ANKFN1: variants seen among roughly 807,000 people sequenced by gnomAD.
The protein encoded by ANKFN1 is ankyrin repeat and fibronectin type-III domain-containing protein 1.
A neutral mutation model predicts 108.7 loss-of-function variants in ANKFN1; 74 were observed. The observed-to-expected ratio is 0.68, with a 90% CI of 0.56 to 0.83. The LOEUF (loss-of-function observed/expected upper bound fraction) is 0.83, where lower values mean the gene tolerates loss of function less well. ANKFN1 is among the 40% of genes least tolerant of loss of function. The probability of loss-of-function intolerance (pLI) is 0.00; values close to 1 mark genes in which losing one functional copy is unlikely to be tolerated. For synonymous variants in ANKFN1, 547 were observed against 516.2 expected (o/e 1.06, Z -0.81); for missense variants, 1,505 against 1,382.3 (o/e 1.09, Z -1.41).
chr17:56,358,762 A>AT (rs1317644665), intron 6 of ANKFN1, among the ~76,000 whole-genome samples: 3 of 152,184 alleles, frequency 2.0e-5, no homozygotes, highest in African/African-American at 7.2e-5. Flanking sequence ...CAGGACACCC[A>AT]TGGGTATGCC....
intron 3 of ANKFN1, among the ~76,000 whole-genome samples, chr17:56,256,851 T>C (rs1292856508): frequency 6.6e-6 from 1 of 152,204 alleles, no homozygotes; most frequent in African/African-American, 2.4e-5. Flanking sequence ...TACCAAATAC[T>C]ACTATCCCCT....
intron 4 of ANKFN1, among the ~76,000 whole-genome samples, chr17:56,057,209 A>G (rs1396062012): frequency 1.3e-5 from 2 of 152,176 alleles, no homozygotes; most frequent in African/African-American, 4.8e-5. Flanking sequence ...CCACATTTGC[A>G]GTTACTTCCT....
intron 1 of ANKFN1, among the ~76,000 whole-genome samples, chr17:56,186,033 AGTTTGTTTGAT>A: frequency 1.3e-5 from 2 of 152,252 alleles, no homozygotes; most frequent in Admixed American, 1.3e-4. Context: ...GTGAGAGGTG[AGTTTGTTTGAT>A]GGCACGCAGT....
At chr17:56,356,191 G>A (rs914264450) in intron 6 of ANKFN1, among the ~76,000 whole-genome samples, 4 of 152,090 alleles carry the variant, frequency 2.6e-5, no homozygotes, top group Non-Finnish European at 5.9e-5. Context: ...CCCTGTGCCA[G>A]GCACTTTTCT....
chr17:56,100,295 G>A (rs1905618677), intron 4 of ANKFN1, among the ~76,000 whole-genome samples: 2 of 152,126 alleles, frequency 1.3e-5, no homozygotes, highest in Admixed American at 1.3e-4. Flanking sequence ...GCCTGCTGGA[G>A]CTCCTAGGAT....
At chr17:56,069,315 A>G (rs1905095004) in intron 4 of ANKFN1, among the ~76,000 whole-genome samples, 1 of 152,170 alleles carries the variant, frequency 6.6e-6, no homozygotes, top group African/African-American at 2.4e-5. Flanking sequence ...AGTGATGGGG[A>G]TGGAGTGTCT....
At chr17:56,129,359 G>T (rs1291006569) in intron 4 of ANKFN1, among the ~76,000 whole-genome samples, 1 of 152,024 alleles carries the variant, frequency 6.6e-6, no homozygotes. Flanking sequence ...TATACTCACT[G>T]GTACTCTTTT....
rs1555653063 is a variant in ANKFN1, at chr17:56,437,973, G to GGGGTGT, written c.911-2353_911-2352insGGTGTG. ...GTGTTGGAAAAACTAATCTACTGTAGGTGTGTGTGTGTGTGTGTGTGTGTG... is the reference window on the plus strand; with the variant it reads ...GTGTTGGAAAAACTAATCTACTGTAGGGGTGTGTGTGTGTGTGTGTGTGTGTGTGTG... On this transcript the variant is annotated intron_variant, in intron 8 of 20. Transcript: ENST00000682825. Among the ~76,000 whole-genome samples, 55 of 142,274 alleles carry GGGGTGT rather than the reference G, an allele frequency of 3.9e-4. 1 individual carries two copies. The highest frequency in any genetic ancestry group is 1.2e-3 in the African/African-American group (46 of 37,650). 93.3% of individuals were successfully genotyped at this position (142,274 alleles called of 152,430 possible).
rs1166232444 is a variant in ANKFN1, at chr17:56,170,793, T to C, written c.-71+17263T>C. The stretch of plus-strand genomic sequence containing the variant: ...AATTTTTTATATATATATATATATA[T>C]ATATATATATATATACACACACACA... On this transcript the variant is annotated intron_variant, in intron 1 of 20. Transcript: ENST00000682825. 2.4e-4 allele frequency among the ~76,000 whole-genome samples: 15 copies of C among 62,962 alleles called. 1 individual carries two copies. In the South Asian group the frequency reaches 0.013, roughly 53 times the overall value. The allele number at this position is 62,962 out of a possible 152,430, so 41.3% of individuals were successfully genotyped here.
chr17:56,304,002 C>T (rs2044747011), intron 3 of ANKFN1, among the ~76,000 whole-genome samples: 1 of 151,900 alleles, frequency 6.6e-6, no homozygotes, highest in Admixed American at 6.6e-5. Flanking sequence ...GGCCAGATTC[C>T]ATGTACTCTT....
chr17:56,390,995 T>C (rs2047408961), intron 8 of ANKFN1, among the ~76,000 whole-genome samples: 1 of 151,688 alleles, frequency 6.6e-6, no homozygotes, highest in East Asian at 1.9e-4. Flanking sequence ...TTCTTTATTA[T>C]AGAACTTCTT....
At chr17:56,381,423 A>G (rs1023487300) in intron 8 of ANKFN1, among the ~76,000 whole-genome samples, 6 of 152,256 alleles carry the variant, frequency 3.9e-5, no homozygotes, top group African/African-American at 1.4e-4. Flanking sequence ...GCAACGGAAC[A>G]AAGCTGGACA....
In ANKFN1 at chr17:56,474,290, G is replaced by A. The variant is rs994349014; in HGVS notation, c.1774-3198G>A. On this transcript the variant is annotated intron_variant, in intron 15 of 20. Transcript: ENST00000682825. ...AGATATTCAGCTTGTTAAAAGCAAC[G>A]TAGTCCAGATTCTACTTTTCTGAGG... 7.2e-5 allele frequency among the ~76,000 whole-genome samples: 11 copies of A among 152,104 alleles called. No individual in the cohort carries two copies. The East Asian group carries it at 7.7e-4, about 11-fold the overall frequency.
chr17:56,400,948 A>T (rs1367432630), intron 8 of ANKFN1, among the ~76,000 whole-genome samples: 1 of 151,950 alleles, frequency 6.6e-6, no homozygotes, highest in East Asian at 1.9e-4. Flanking sequence ...TGGCCTATGT[A>T]CCTATTTTTA....
intron 8 of ANKFN1, among the ~76,000 whole-genome samples, chr17:56,376,592 T>C (rs1275999028): frequency 1.3e-5 from 2 of 152,198 alleles, no homozygotes; most frequent in Admixed American, 1.3e-4. Context: ...CATTTCCTTC[T>C]TACTTTGATG....
intron 1 of ANKFN1, among the ~76,000 whole-genome samples, chr17:56,208,073 G>A (rs547102329): frequency 2.0e-5 from 3 of 152,120 alleles, no homozygotes; most frequent in Non-Finnish European, 4.4e-5. Context: ...GCTGTGGAGC[G>A]ATTTTGGCTT....
chr17:56,437,312 A>C (rs16957220), intron 8 of ANKFN1, among the ~76,000 whole-genome samples: 3,296 of 152,300 alleles, frequency 0.022, 119 homozygotes, highest in African/African-American at 0.075. Flanking sequence ...AGAAATTCTA[A>C]AGATCGTATC....
intron 8 of ANKFN1, among the ~76,000 whole-genome samples, chr17:56,400,359 T>A (rs1278588207): frequency 6.6e-6 from 1 of 152,244 alleles, no homozygotes; most frequent in Non-Finnish European, 1.5e-5. Flanking sequence ...TTTTTTCATA[T>A]GTTTGTTGGC....
chr17:56,358,966 A>G (rs1162219582), intron 6 of ANKFN1, among the ~76,000 whole-genome samples: 4 of 152,130 alleles, frequency 2.6e-5, no homozygotes, highest in African/African-American at 9.7e-5. Context: ...TGAATCATCG[A>G]TGGGAGTCTT....
Sources: gnomAD v4.1 joint callset for allele counts (sites outside exome capture counted in the v4.1 genomes callset) on GRCh38, gnomAD v4.1.1 for gene constraint, MANE v1.5 for transcripts, NCBI Gene and HGNC (gene_info 2026-07-23, HGNC 2026-07-21) for gene names.